Variants in FLT1 observed in about 807,000 individuals in gnomAD.
FLT1 encodes fms related receptor tyrosine kinase 1.
Under a neutral mutation model 156.3 loss-of-function variants are expected in FLT1, and 49 were observed. The ratio of observed to expected loss-of-function variants is 0.31; its 90% CI spans 0.25 to 0.40. The LOEUF (loss-of-function observed/expected upper bound fraction) is 0.40, where lower values mean the gene tolerates loss of function less well. Ranked by LOEUF, FLT1 falls within the 10% of genes least tolerant of loss-of-function variation. FLT1 has a pLI of 1.00. For synonymous variants in FLT1, 594 were observed against 583.8 expected (o/e 1.02, Z -0.25); for missense variants, 1,322 against 1,637.2 (o/e 0.81, Z 3.32).
intron 1 of FLT1, among the ~76,000 whole-genome samples, chr13:28,479,308 A>C (rs1880713509): frequency 6.6e-6 from 1 of 152,208 alleles, no homozygotes; most frequent in African/African-American, 2.4e-5. Flanking sequence ...TGTCATAATC[A>C]GTTTCCTTCT....
chr13:28,345,325 T>C (rs2296192), intron 16 of FLT1, 120 bp downstream of exon 16: 649,141 of 701,486 alleles, frequency 0.93, 303,240 homozygotes, highest in East Asian at 0.97. Context: ...AGGTCAGAGA[T>C]AGGAATGAGA....
At chr13:28,404,479 A>T (rs1211381164) in intron 11 of FLT1, among the ~76,000 whole-genome samples, 1 of 152,264 alleles carries the variant, frequency 6.6e-6, no homozygotes, top group Non-Finnish European at 1.5e-5. Context: ...ACATTAGCAT[A>T]TGTCAAAAAG....
rs995692572 is a variant in FLT1, at chr13:28,364,398, G to C, written c.2117-6713C>G. ...TGCCATGGTGAATTTTTAATACAAA[G>C]CTTTAAATTTTTTAACATAATCAAA... On this transcript the variant is annotated intron_variant, in intron 14 of 29. Coordinates refer to ENST00000282397, the MANE Select transcript of FLT1 (RefSeq NM_002019.4). Among the ~76,000 whole-genome samples the C allele has an allele frequency of 5.3e-5, 8 of 151,996 alleles. No individual in the cohort carries two copies. The East Asian group carries it at 1.4e-3, about 26-fold the overall frequency.
chr13:28,475,758 T>C (rs998033950), intron 1 of FLT1, among the ~76,000 whole-genome samples: 1 of 152,202 alleles, frequency 6.6e-6, no homozygotes, highest in African/African-American at 2.4e-5. Context: ...TCCAAGTATT[T>C]ATCAGATAAT....
intron 13 of FLT1, chr13:28,389,348 T>C: frequency 1.6e-6 from 2 of 1,238,414 alleles, no homozygotes; most frequent in Non-Finnish European, 2.0e-6. Context: ...TTTGTTTAAA[T>C]TATTCAGTTT....
Position 28,322,823 on chromosome 13 carries a change from C to A in FLT1, c.2920G>T (p.Asp974Tyr), listed in dbSNP as rs774739621. The A allele has an allele frequency of 6.2e-7, 1 of 1,614,120 alleles. No individual in the cohort carries two copies. Among genetic ancestry groups the A allele is most frequent in the Admixed American group, 1.7e-5 (1 of 60,020 alleles). The stretch of plus-strand genomic sequence containing the variant: ...TCCTCAACATCACTCAGACTTTTAT[C>A]TTCCTGAAAGCCGGAGCTCGCAAAG... Reference protein sequence around the residue: ...ESFASSGFQEDKSLSDVEEEE... With the variant: ...ESFASSGFQEYKSLSDVEEEE... Residue 974 changes from aspartate (D) to tyrosine (Y), a missense_variant, in exon 21 of 30, where the codon GAT (aspartate) becomes TAT (tyrosine). Physicochemically the swap from Asp to Tyr is radical, Grantham distance 160. This residue lies in a region of FLT1 where 991 missense variants were observed against 1,254.8 expected (regional missense o/e 0.79). Coordinates refer to ENST00000282397, the MANE Select transcript of FLT1 (RefSeq NM_002019.4). This position sits in a 1 kb window ranked among gnomAD's most constrained non-coding sequence, Gnocchi z 4.3.
rs1203729857 is a variant in FLT1, at chr13:28,313,905, A to AG, written c.3387-1808_3387-1807insC. On this transcript the variant is annotated intron_variant, in intron 25 of 29. Coordinates refer to ENST00000282397, the MANE Select transcript of FLT1 (RefSeq NM_002019.4). Reference sequence around the variant, plus strand: ...CAGGGAGGTAAAAAAAAAAAAAAAAAAAAAGAAGAATCCGGGTGTGGTGGC... The same window carrying AG: ...CAGGGAGGTAAAAAAAAAAAAAAAAAGAAAAGAAGAATCCGGGTGTGGTGGC... 2.9e-3 allele frequency among the ~76,000 whole-genome samples: 289 copies of AG among 98,708 alleles called. 3 individuals are homozygous for AG. Among genetic ancestry groups the AG allele is most frequent in the South Asian group, 9.2e-3 (17 of 1,856 alleles). The allele number at this position is 98,708 out of a possible 152,430, so 64.8% of individuals were successfully genotyped here. A position where few individuals can be genotyped will look rare whatever the true frequency, so the allele number is the denominator to read the frequency against.
At chr13:28,406,043 T>C in intron 10 of FLT1, 149 bp from the exon 11 acceptor site, 1 of 660,610 alleles carries the variant, frequency 1.5e-6, no homozygotes, top group Non-Finnish European at 2.7e-6. Flanking sequence ...TTTCCTATAT[T>C]CATCCTCAAA....
chr13:28,328,201 T>C (rs1280286455), intron 19 of FLT1: 2 of 152,322 alleles, frequency 1.3e-5, no homozygotes, highest in African/African-American at 2.4e-5. Context: ...TGGAATTTCA[T>C]ACAATTTCAT....
chr13:28,440,325 C>T (rs1210604263), intron 3 of FLT1, among the ~76,000 whole-genome samples: 1 of 152,160 alleles, frequency 6.6e-6, no homozygotes, highest in African/African-American at 2.4e-5. Flanking sequence ...AAAAGAGGCA[C>T]AAACAGGTGA....
At chr13:28,460,451 G>A (rs956628080) in intron 3 of FLT1, among the ~76,000 whole-genome samples, 2 of 152,114 alleles carry the variant, frequency 1.3e-5, no homozygotes, top group African/African-American at 4.8e-5. Context: ...GTGTGGAGTA[G>A]GTATGTAATC....
At chr13:28,491,946 G>A (rs1393771227) in intron 1 of FLT1, among the ~76,000 whole-genome samples, 7 of 152,170 alleles carry the variant, frequency 4.6e-5, no homozygotes, top group Non-Finnish European at 1.0e-4. Context: ...TGCTAAAATA[G>A]TAAGCAACAA....
intron 1 of FLT1, among the ~76,000 whole-genome samples, chr13:28,472,611 A>T (rs1880238110): frequency 6.6e-6 from 1 of 152,216 alleles, no homozygotes; most frequent in Admixed American, 6.5e-5. Flanking sequence ...ATTCTGTTGA[A>T]GTCTTAGGGT....
chr13:28,387,362 A>G, intron 13 of FLT1: 2 of 1,049,264 alleles, frequency 1.9e-6, no homozygotes, highest in Non-Finnish European at 2.3e-6. Context: ...TATACATTAT[A>G]ATAATCTATT....
intron 13 of FLT1, chr13:28,388,935 C>G (rs761602038): frequency 9.4e-7 from 1 of 1,064,768 alleles, no homozygotes. Context: ...CAGTCAGAGA[C>G]AGCAAGGAGC....
At chr13:28,356,135 C>T (rs1872889946) in intron 15 of FLT1, among the ~76,000 whole-genome samples, 1 of 152,174 alleles carries the variant, frequency 6.6e-6, no homozygotes, top group South Asian at 2.1e-4. Flanking sequence ...CTCCTCTGGT[C>T]TGCCATGACT....
chr13:28,473,735 AAGGAAGGAAGGAAG>A (rs1880339802), intron 1 of FLT1, among the ~76,000 whole-genome samples: 1 of 63,640 alleles, frequency 1.6e-5, no homozygotes, highest in South Asian at 6.9e-4. Context: ...AGAAAGAAGG[AAGGAAGGAAGGAAG>A]GAAGGAAGGA....
chr13:28,450,146 A>G (rs1195157155), intron 3 of FLT1, among the ~76,000 whole-genome samples: 1 of 152,238 alleles, frequency 6.6e-6, no homozygotes, highest in African/African-American at 2.4e-5. Flanking sequence ...GCACACGGAC[A>G]GTCCCTGGAC....
intron 16 of FLT1, among the ~76,000 whole-genome samples, chr13:28,343,583 AC>A (rs1872433010): frequency 6.6e-6 from 1 of 151,070 alleles, no homozygotes. Flanking sequence ...TGCTCAGATT[AC>A]AGGTGTGGGC....
Sources: gnomAD v4.1 joint callset for allele counts (sites outside exome capture counted in the v4.1 genomes callset) on GRCh38, gnomAD v4.1.1 for gene constraint, gnomAD v4.1.1 regional missense constraint, Gnocchi (gnomAD v3.1) non-coding constraint, MANE v1.5 for transcripts, NCBI Gene and HGNC (gene_info 2026-07-23, HGNC 2026-07-21) for gene names.